MYT1L: variants seen among roughly 807,000 people sequenced by gnomAD.
MYT1L encodes the protein myelin transcription factor 1 like.
Under a neutral mutation model 126.7 loss-of-function variants are expected in MYT1L, and 12 were observed. That is an observed-to-expected ratio of 0.09 (90% CI 0.06 to 0.15). The LOEUF is 0.15. Ranked by LOEUF, MYT1L falls within the 10% of genes least tolerant of loss-of-function variation. MYT1L has a pLI of 1.00. For synonymous variants in MYT1L, 541 were observed against 604.2 expected, an observed-to-expected ratio of 0.90 and a Z score of 1.53; for missense variants, 979 against 1,585.2, an observed-to-expected ratio of 0.62 and a Z score of 6.49.
chr2:2,152,187 G>A (rs2085909612), intron 3 of MYT1L, among the ~76,000 whole-genome samples: 1 of 152,370 alleles, frequency 6.6e-6, no homozygotes. Context: ...CTGCGACACT[G>A]TGACCGTTGA....
chr2:2,132,091 A>G (rs1171588594), intron 3 of MYT1L, among the ~76,000 whole-genome samples: 1 of 151,476 alleles, frequency 6.6e-6, no homozygotes, highest in Non-Finnish European at 1.5e-5. Context: ...TATTTCTAGT[A>G]GAGATGGGGG....
chr2:2,271,440 G>A (rs1470595894), intron 2 of MYT1L, among the ~76,000 whole-genome samples: 1 of 152,196 alleles, frequency 6.6e-6, no homozygotes, highest in Non-Finnish European at 1.5e-5. Flanking sequence ...TTCGAATGGT[G>A]GGAATTTACA....
chr2:2,189,201 C>G (rs2092417022), intron 2 of MYT1L, among the ~76,000 whole-genome samples: 1 of 152,226 alleles, frequency 6.6e-6, no homozygotes, highest in Non-Finnish European at 1.5e-5. Flanking sequence ...GGCCATGCCG[C>G]CACCGCAGCG....
chr2:2,122,747 T>C lies in MYT1L; in HGVS notation c.-304+50125A>G, dbSNP rs111988187. On this transcript the variant is annotated intron_variant, in intron 3 of 24. Coordinates refer to ENST00000647738, the MANE Select transcript of MYT1L (RefSeq NM_001303052.2). ...ACGCTGGGTTGGCCATACAACTTAC[T>C]GTCCTTCCGCATCAGTGGAGGGTTC... 4.5e-3 allele frequency among the ~76,000 whole-genome samples: 684 copies of C among 152,288 alleles called. 3 individuals carry two copies. Among genetic ancestry groups the C allele is most frequent in the South Asian group, 7.1e-3 (34 of 4,822 alleles).
At chr2:2,092,307 G>GT (rs897073124) in intron 3 of MYT1L, among the ~76,000 whole-genome samples, 2 of 28,436 alleles carry the variant, frequency 7.0e-5, no homozygotes, top group African/African-American at 7.3e-4. Context: ...CAGTTTAGAA[G>GT]GGGGAGATAG....
chr2:1,979,150 A>G lies in MYT1L; in HGVS notation c.152+15T>C. 6.2e-7 allele frequency: 1 copy of G among 1,609,600 alleles called. No homozygotes were observed. Among genetic ancestry groups the G allele is most frequent in the Non-Finnish European group, 8.5e-7 (1 of 1,177,392 alleles). On this transcript the variant is annotated intron_variant, in intron 8 of 24. Transcript: ENST00000647738. This position sits in a 1 kb window ranked among gnomAD's most constrained non-coding sequence, Gnocchi z 4.0. ...TTTAGACAGCACATTGTGGAAAAAA[A>G]AATGCAGGCATTACCTTCTGTGTCT...
intron 4 of MYT1L, among the ~76,000 whole-genome samples, chr2:1,997,649 A>G (rs973620815): frequency 2.6e-5 from 4 of 152,136 alleles, no homozygotes; most frequent in African/African-American, 9.7e-5. Flanking sequence ...ATATGGTTCC[A>G]TGAGCTCCCA....
At chr2:2,264,926 A>T (rs2095084354) in intron 2 of MYT1L, among the ~76,000 whole-genome samples, 1 of 152,250 alleles carries the variant, frequency 6.6e-6, no homozygotes, top group South Asian at 2.1e-4. Context: ...GGAGTGAGTA[A>T]GTAAAAGCAC....
chr2:1,983,793 C>T (rs978944659), intron 5 of MYT1L, among the ~76,000 whole-genome samples: 5 of 152,170 alleles, frequency 3.3e-5, no homozygotes, highest in African/African-American at 1.2e-4. Flanking sequence ...GGCTCAGTCG[C>T]GTTTTCTAAG....
intron 2 of MYT1L, among the ~76,000 whole-genome samples, chr2:2,194,776 C>G (rs1183948648): frequency 6.6e-6 from 1 of 152,160 alleles, no homozygotes; most frequent in Admixed American, 6.5e-5. Context: ...AAGAACAACT[C>G]TAAAGACCAA....
In MYT1L at chr2:1,892,283, C is replaced by A. The variant is rs532783501; in HGVS notation, c.2037G>T (p.Lys679Asn). 2 of 1,548,274 alleles carry A rather than the reference C, an allele frequency of 1.3e-6. No homozygotes were observed. Among genetic ancestry groups the A allele is most frequent in the African/African-American group, 1.4e-5 (1 of 73,078 alleles). ...TGGGGCTGGGGTCCTTGCAGTACCG[C>A]TTCGCTGGGGAGACAGGGACAGGGA... The part of the protein sequence containing the change: ...DISPKGYDDA[K>N]RYCKDPSPSS... The change falls in exon 15 of 25, where the codon AAG (lysine) becomes AAT (asparagine). Residue 679 changes from lysine to asparagine, a missense_variant. Coordinates refer to ENST00000647738, the MANE Select transcript of MYT1L (RefSeq NM_001303052.2).
intron 3 of MYT1L, among the ~76,000 whole-genome samples, chr2:2,097,227 C>G (rs1054476687): frequency 1.3e-5 from 2 of 152,180 alleles, no homozygotes; most frequent in African/African-American, 4.8e-5. Context: ...CTTCTCCCCT[C>G]TGATTCCTGC....
chr2:2,216,043 G>GTGTC (rs1041667663), intron 2 of MYT1L, among the ~76,000 whole-genome samples: 69 of 123,466 alleles, frequency 5.6e-4, no homozygotes, highest in African/African-American at 2.1e-3. Flanking sequence ...CTGTCTGTCT[G>GTGTC]TCTCTCTCTC....
At chr2:1,898,919 G>T (rs1310836469) in intron 14 of MYT1L, among the ~76,000 whole-genome samples, 2 of 152,226 alleles carry the variant, frequency 1.3e-5, no homozygotes, top group Non-Finnish European at 1.5e-5. Flanking sequence ...GTCTGCAGCT[G>T]CCCAGGCAGT....
At chr2:1,851,417 T>A (rs1351875057) in intron 19 of MYT1L, among the ~76,000 whole-genome samples, 1 of 152,190 alleles carries the variant, frequency 6.6e-6, no homozygotes, top group Non-Finnish European at 1.5e-5. Context: ...TTGCACTGCA[T>A]GTGAGATGTC....
chr2:2,154,284 G>T (rs1225710641), intron 3 of MYT1L, among the ~76,000 whole-genome samples: 1 of 152,146 alleles, frequency 6.6e-6, no homozygotes, highest in Non-Finnish European at 1.5e-5. Context: ...TTACCTGAAT[G>T]ATACCTAGGT....
At position 1,979,235 on chromosome 2, in the gene MYT1L, A is replaced by G; in HGVS notation, c.90-8T>C. 6.2e-7 allele frequency: 1 copy of G among 1,613,402 alleles called. No individual in the cohort carries two copies. Among genetic ancestry groups the G allele is most frequent in the South Asian group, 1.1e-5 (1 of 90,936 alleles). ...CAGCCAGGGGTGGGACAGCTGCAAC[A>G]GGAAAGAATGGATTACACGGTGCCG... On this transcript the variant is annotated splice_region_variant and splice_polypyrimidine_tract_variant and intron_variant, in intron 7 of 24. Transcript: ENST00000647738. The surrounding 1 kb of genome is among the most constrained non-coding windows in gnomAD (Gnocchi z 4.0).
At chr2:2,216,539 T>C (rs181516611) in intron 2 of MYT1L, among the ~76,000 whole-genome samples, 287 of 152,262 alleles carry the variant, frequency 1.9e-3, no homozygotes, top group African/African-American at 6.6e-3. Flanking sequence ...GCATTTAATT[T>C]GCAACATTAA....
chr2:2,029,636 G>GCA (rs899334372), intron 4 of MYT1L, among the ~76,000 whole-genome samples: 10 of 151,734 alleles, frequency 6.6e-5, no homozygotes, highest in African/African-American at 1.2e-4. Context: ...ACAGACATCT[G>GCA]CACACACACA....
Sources: allele counts gnomAD v4.1 joint callset (sites outside exome capture counted in the v4.1 genomes callset), GRCh38; gene constraint gnomAD v4.1.1; non-coding constraint Gnocchi (gnomAD v3.1); transcripts MANE v1.5; gene names NCBI Gene and HGNC (gene_info 2026-07-23, HGNC 2026-07-21).